Variants in TENM4 observed in about 807,000 individuals in gnomAD.
TENM4 encodes the protein teneurin transmembrane protein 4.
In TENM4, 82 loss-of-function variants were observed where a neutral mutation model predicts 243.3. The observed-to-expected ratio is 0.34, with a 90% CI of 0.28 to 0.40. TENM4 has a LOEUF of 0.40. TENM4 is among the 10% of genes least tolerant of loss of function. The pLI, the probability that TENM4 is intolerant of heterozygous loss-of-function variation, is 1.00. For synonymous variants in TENM4, 1,412 were observed against 1,456.3 expected, an observed-to-expected ratio of 0.97 and a Z score of 0.69; for missense variants, 3,138 against 3,673.3, an observed-to-expected ratio of 0.85 and a Z score of 3.77.
intron 7 of TENM4, among the ~76,000 whole-genome samples, chr11:78,900,754 C>A (rs1345240124): frequency 6.6e-6 from 1 of 152,094 alleles, no homozygotes; most frequent in Non-Finnish European, 1.5e-5. Flanking sequence ...GTATGAAGGT[C>A]CCTCTGACTT....
At chr11:78,736,479 T>TGTGTGTGCGCGCGC (rs796898751) in intron 20 of TENM4, among the ~76,000 whole-genome samples, 14 of 99,332 alleles carry the variant, frequency 1.4e-4, no homozygotes, top group African/African-American at 3.8e-4. Flanking sequence ...TGTGTGTGTG[T>TGTGTGTGCGCGCGC]GCGCGCGCGT....
chr11:79,051,930 T>C (rs962854979), intron 6 of TENM4, among the ~76,000 whole-genome samples: 2 of 152,250 alleles, frequency 1.3e-5, no homozygotes, highest in Non-Finnish European at 2.9e-5. Flanking sequence ...GCTCCATCCA[T>C]GTCCCTGCAA....
chr11:79,077,149 C>G (rs372078782), intron 4 of TENM4, among the ~76,000 whole-genome samples: 1 of 152,186 alleles, frequency 6.6e-6, no homozygotes, highest in African/African-American at 2.4e-5. Context: ...CTCTCCTCCC[C>G]GAACTCCCAG....
intron 17 of TENM4, among the ~76,000 whole-genome samples, chr11:78,771,363 C>T (rs191081894): frequency 2.0e-5 from 3 of 152,240 alleles, no homozygotes; most frequent in African/African-American, 4.8e-5. Flanking sequence ...CAGTCAGAAG[C>T]GGCAGGGACA....
At chr11:78,874,367 TATA>T (rs1157851967) in intron 9 of TENM4, among the ~76,000 whole-genome samples, 1 of 152,284 alleles carries the variant, frequency 6.6e-6, no homozygotes, top group Admixed American at 6.5e-5. Flanking sequence ...AAGGCATTAT[TATA>T]ATATTGCTTA....
chr11:78,972,880 G>A (rs1857575457), intron 6 of TENM4, among the ~76,000 whole-genome samples: 1 of 152,124 alleles, frequency 6.6e-6, no homozygotes, highest in Non-Finnish European at 1.5e-5. Context: ...TCTACTTTCT[G>A]TCTCTATGGA....
chr11:78,820,775 G>C (rs969291088), intron 12 of TENM4, among the ~76,000 whole-genome samples: 1 of 152,222 alleles, frequency 6.6e-6, no homozygotes, highest in Non-Finnish European at 1.5e-5. Context: ...TGTGAAGAAG[G>C]CAGGGTGTTT....
chr11:78,969,416 T>C (rs1857497761), intron 6 of TENM4, among the ~76,000 whole-genome samples: 2 of 152,192 alleles, frequency 1.3e-5, no homozygotes, highest in South Asian at 2.1e-4. Flanking sequence ...AACCTATAAA[T>C]AGAGCAAGCT....
chr11:78,811,757 A>G (rs572920498), intron 14 of TENM4, among the ~76,000 whole-genome samples: 8 of 152,214 alleles, frequency 5.3e-5, no homozygotes, highest in Non-Finnish European at 1.2e-4. Context: ...TCTGCTGTCT[A>G]CTAGCCATGT....
chr11:79,053,694 G>A (rs1859862286), intron 6 of TENM4, among the ~76,000 whole-genome samples: 1 of 152,186 alleles, frequency 6.6e-6, no homozygotes, highest in South Asian at 2.1e-4. Flanking sequence ...ACTTTGGGGA[G>A]AGTTTTGGGA....
intron 1 of TENM4, among the ~76,000 whole-genome samples, chr11:79,395,135 C>G (rs556552836): frequency 1.3e-5 from 2 of 152,272 alleles, no homozygotes; most frequent in East Asian, 3.9e-4. Flanking sequence ...GGAGAAGGTG[C>G]CCAAACAGAT....
At chr11:79,312,805 C>A (rs2135415824) in intron 1 of TENM4, among the ~76,000 whole-genome samples, 1 of 152,242 alleles carries the variant, frequency 6.6e-6, no homozygotes, top group African/African-American at 2.4e-5. Flanking sequence ...CAACCCCTGC[C>A]AAGCCTGCCA....
At chr11:78,917,852 C>T (rs967769873) in intron 6 of TENM4, among the ~76,000 whole-genome samples, 7 of 152,144 alleles carry the variant, frequency 4.6e-5, no homozygotes, top group Non-Finnish European at 8.8e-5. Context: ...TGTGGCCCTG[C>T]CCAAGTTACT....
intron 12 of TENM4, among the ~76,000 whole-genome samples, chr11:78,837,864 A>G (rs1207550902): frequency 6.6e-6 from 1 of 152,218 alleles, no homozygotes; most frequent in Non-Finnish European, 1.5e-5. Context: ...TTATAATTAG[A>G]CATTTGGATT....
At chr11:79,201,655 G>A (rs186836881) in intron 3 of TENM4, among the ~76,000 whole-genome samples, 4 of 152,212 alleles carry the variant, frequency 2.6e-5, no homozygotes, top group Admixed American at 2.0e-4. Context: ...GGGAGAATGG[G>A]GAAGAAGATA....
chr11:78,676,549 T>TC (rs2135698262), intron 29 of TENM4, among the ~76,000 whole-genome samples, 162 bp from the exon 30 acceptor site: 1 of 152,324 alleles, frequency 6.6e-6, no homozygotes, highest in Admixed American at 6.5e-5. Context: ...GAGAAGACCA[T>TC]CCAGATTCTC....
intron 2 of TENM4, among the ~76,000 whole-genome samples, chr11:79,278,878 T>C (rs1856106181): frequency 1.3e-5 from 2 of 152,154 alleles, no homozygotes; most frequent in South Asian, 4.1e-4. Flanking sequence ...AGGTGAGGCC[T>C]GGGCTCTTCA....
chr11:78,668,735 C>G (rs12276626), intron 32 of TENM4, among the ~76,000 whole-genome samples: 9,938 of 152,192 alleles, frequency 0.065, 1,075 homozygotes, highest in African/African-American at 0.23. Flanking sequence ...GTGACCCTGA[C>G]AAATTTATTT....
At chr11:79,164,052 CTATGTATATATAGTGTATATA>C (rs1565230719) in intron 3 of TENM4, among the ~76,000 whole-genome samples, 8 of 18,030 alleles carry the variant, frequency 4.4e-4, no homozygotes, top group Non-Finnish European at 8.0e-4. Context: ...ACTATAAATA[CTATGTATATATAGTGTATATA>C]TACACTATAT....
Sources: allele counts gnomAD v4.1 joint callset (sites outside exome capture counted in the v4.1 genomes callset), GRCh38; gene constraint gnomAD v4.1.1; transcripts MANE v1.5; gene names NCBI Gene and HGNC (gene_info 2026-07-23, HGNC 2026-07-21).